Variants in NCOR1 observed in about 807,000 individuals in gnomAD.
The protein encoded by NCOR1 is protein phosphatase 1, regulatory subunit 109.
In NCOR1, 63 loss-of-function variants were observed where a neutral mutation model predicts 288.1. The ratio of observed to expected loss-of-function variants is 0.22; its 90% CI spans 0.18 to 0.27. The LOEUF (loss-of-function observed/expected upper bound fraction) is 0.27, where lower values mean the gene tolerates loss of function less well. Among genes scored for constraint, NCOR1 ranks in the 10% least tolerant of loss-of-function variants. NCOR1 has a pLI of 1.00. For synonymous variants in NCOR1, 1,007 were observed against 1,065.9 expected, an observed-to-expected ratio of 0.94 and a Z score of 1.08; for missense variants, 2,397 against 3,019.2, an observed-to-expected ratio of 0.79 and a Z score of 4.83.
chr17:16,152,048 T>G, intron 7 of NCOR1, 50 bp from the exon 8 acceptor site: 4 of 1,245,092 alleles, frequency 3.2e-6, no homozygotes, highest in Non-Finnish European at 4.5e-6. Flanking sequence ...CATATGTCTA[T>G]GAAGAGACAA....
At chr17:16,048,777 C>T in intron 41 of NCOR1, 68 bp downstream of exon 41, 1 of 1,432,530 alleles carries the variant, frequency 7.0e-7, no homozygotes, top group Non-Finnish European at 9.3e-7. Context: ...ACGGCAACAA[C>T]TGAAGGAAAT....
chr17:16,058,115 C>T, intron 38 of NCOR1, 51 bp from the exon 39 acceptor site: 1 of 1,574,652 alleles, frequency 6.4e-7, no homozygotes, highest in Non-Finnish European at 8.7e-7. Flanking sequence ...GTGCTTTTCA[C>T]TCATTATCAA....
intron 26 of NCOR1, among the ~76,000 whole-genome samples, chr17:16,076,109 TTAAA>T (rs2062418190): frequency 6.6e-6 from 1 of 152,380 alleles, no homozygotes; most frequent in African/African-American, 2.4e-5. Flanking sequence ...GAATACATTC[TTAAA>T]TAAATGTGGT....
At position 16,045,460 on chromosome 17, in the gene NCOR1, G is replaced by A. The variant is rs181200909; in HGVS notation, c.6679+1491C>T. 3.1e-3 allele frequency among the ~76,000 whole-genome samples: 478 copies of A among 152,202 alleles called. 2 individuals carry two copies. Among genetic ancestry groups the A allele is most frequent in the African/African-American group, 0.011 (448 of 41,534 alleles). ...TAGAATAGAGCCTACCACATAGTACGCTAGATAACCTTTTGCTACCATTAT... is the reference window on the plus strand; with the variant it reads ...TAGAATAGAGCCTACCACATAGTACACTAGATAACCTTTTGCTACCATTAT... On this transcript the variant is annotated intron_variant, in intron 42 of 45. Coordinates refer to ENST00000268712, the MANE Select transcript of NCOR1 (RefSeq NM_006311.4).
At chr17:16,115,322 C>T (rs901613962) in intron 18 of NCOR1, among the ~76,000 whole-genome samples, 6 of 152,196 alleles carry the variant, frequency 3.9e-5, no homozygotes, top group Non-Finnish European at 8.8e-5. Context: ...AGACCTCTGA[C>T]ATGCTGTGAA....
chr17:16,160,320 C>T lies in NCOR1; in HGVS notation c.619-1447G>A, dbSNP rs369901927. Among the ~76,000 whole-genome samples the T allele has an allele frequency of 3.2e-4, 48 of 152,044 alleles. No individual in the cohort carries two copies. The East Asian group carries it at 4.0e-3, about 13-fold the overall frequency. Reference sequence around the variant, plus strand: ...CAAGCAGGGACTTGTCTGCTTTGTCCGCTGCTTTTTTTCAACACCTAAACC... The same window carrying T: ...CAAGCAGGGACTTGTCTGCTTTGTCTGCTGCTTTTTTTCAACACCTAAACC... On this transcript the variant is annotated intron_variant, in intron 5 of 45. Coordinates refer to ENST00000268712, the MANE Select transcript of NCOR1 (RefSeq NM_006311.4).
chr17:16,051,042 T>A (rs1483379251), intron 40 of NCOR1, among the ~76,000 whole-genome samples: 1 of 152,112 alleles, frequency 6.6e-6, no homozygotes, highest in Non-Finnish European at 1.5e-5. Flanking sequence ...TCTCACTACA[T>A]TGCCCAGGCT....
intron 43 of NCOR1, 69 bp from the exon 44 acceptor site, chr17:16,039,723 C>A (rs951155548): frequency 9.8e-5 from 133 of 1,363,672 alleles, no homozygotes; most frequent in Non-Finnish European, 1.1e-4. Context: ...ATGCATTGCC[C>A]CATCAGCCCA....
chr17:16,114,813 G>A (rs2071214096), intron 18 of NCOR1, among the ~76,000 whole-genome samples: 1 of 152,196 alleles, frequency 6.6e-6, no homozygotes. Flanking sequence ...TTTTCACAGG[G>A]TAGCGTTGAG....
Position 16,070,341 on chromosome 17 carries a change from G to C in NCOR1, c.4337C>G (p.Ser1446Cys), listed in dbSNP as rs1469460933. Residue 1446 changes from serine (S) to cysteine (C), a missense_variant, in exon 31 of 46, where the codon TCC (serine) becomes TGC (cysteine). Physicochemically the swap from Ser to Cys is moderately radical, Grantham distance 112 (BLOSUM62 -1). Coordinates refer to ENST00000268712, the MANE Select transcript of NCOR1 (RefSeq NM_006311.4). Reference protein sequence around the residue: ...EDVKAGETVRSRHTSVVSSGP... With the variant: ...EDVKAGETVRCRHTSVVSSGP... ...AGAGCTTACCACTGACGTGTGCCGG[G>C]AACGCACGGTCTCGCCTGCTTTCAC... The C allele has an allele frequency of 6.2e-7, 1 of 1,614,088 alleles. No homozygotes were observed. The highest frequency in any genetic ancestry group is 8.5e-7 in the Non-Finnish European group (1 of 1,180,028).
At chr17:16,207,379 G>A (rs1226606928) in intron 1 of NCOR1, among the ~76,000 whole-genome samples, 1 of 152,108 alleles carries the variant, frequency 6.6e-6, no homozygotes, top group African/African-American at 2.4e-5. Context: ...CAAAGTATGG[G>A]GTAAAGGGGC....
At chr17:16,058,868 G>C (rs1172830452) in intron 37 of NCOR1, among the ~76,000 whole-genome samples, 1 of 151,734 alleles carries the variant, frequency 6.6e-6, no homozygotes, top group African/African-American at 2.4e-5. Context: ...CCAACGTGGA[G>C]AAACCCTGTC....
intron 3 of NCOR1, among the ~76,000 whole-genome samples, chr17:16,184,875 A>G (rs910869038): frequency 1.3e-5 from 2 of 152,108 alleles, no homozygotes; most frequent in African/African-American, 4.8e-5. Context: ...ATGGAATATT[A>G]TTCAACCCTA....
intron 41 of NCOR1, 128 bp from the exon 42 acceptor site, chr17:16,047,221 C>T: frequency 1.1e-6 from 1 of 945,426 alleles, no homozygotes; most frequent in Non-Finnish European, 1.6e-6. Flanking sequence ...TTTGTGGTTA[C>T]AGCCCTAAGA....
chr17:16,034,218 G>A (rs1236080557), intron 45 of NCOR1, among the ~76,000 whole-genome samples: 1 of 152,166 alleles, frequency 6.6e-6, no homozygotes, highest in Non-Finnish European at 1.5e-5. Flanking sequence ...GAATGGTTGA[G>A]ATTATTTTTT....
At chr17:16,141,690 A>G (rs1441667935) in intron 11 of NCOR1, among the ~76,000 whole-genome samples, 1 of 152,200 alleles carries the variant, frequency 6.6e-6, no homozygotes, top group Non-Finnish European at 1.5e-5. Flanking sequence ...ACTGTCTCAC[A>G]AGTAATTTTT....
intron 1 of NCOR1, among the ~76,000 whole-genome samples, chr17:16,195,734 T>C (rs1015876327): frequency 2.6e-5 from 4 of 152,182 alleles, no homozygotes; most frequent in Admixed American, 1.3e-4. Context: ...AGAGTCAGCT[T>C]GTCAGGTCCC....
At chr17:16,205,925 G>A (rs1245416822) in intron 1 of NCOR1, among the ~76,000 whole-genome samples, 4 of 141,530 alleles carry the variant, frequency 2.8e-5, no homozygotes, top group Non-Finnish European at 4.5e-5. Context: ...CAACAAGAGC[G>A]ATACTCCGTC....
chr17:16,030,681 C>A lies in NCOR1; in HGVS notation c.*1615G>T, dbSNP rs1278573947. On this transcript the variant is annotated 3_prime_UTR_variant, in exon 46 of 46. Transcript: ENST00000268712. ...GGACCTCAGGTATACAGGAGTGGAA[C>A]AGGGACAGGAGTGAAAGCTTTGACT... 1.7e-5 allele frequency: 3 copies of A among 180,186 alleles called. No individual in the cohort carries two copies. Among genetic ancestry groups the A allele is most frequent in the Non-Finnish European group, 3.6e-5 (3 of 84,360 alleles). The allele number at this position is 180,186 out of a possible 1,614,324, so 11.2% of individuals were successfully genotyped here.
Sources: gnomAD v4.1 joint callset for allele counts (sites outside exome capture counted in the v4.1 genomes callset) on GRCh38, gnomAD v4.1.1 for gene constraint, MANE v1.5 for transcripts, NCBI Gene and HGNC (gene_info 2026-07-23, HGNC 2026-07-21) for gene names.